Variants in LAMA2 observed in about 807,000 individuals in gnomAD.
LAMA2 encodes laminin subunit alpha 2, also known as laminin subunit alpha-2.
LAMA2 carries 269 observed loss-of-function variants against 364.8 expected under a neutral mutation model. That is an observed-to-expected ratio of 0.74 (90% CI 0.67 to 0.82). The LOEUF is 0.82. LAMA2 is among the 40% of genes least tolerant of loss of function. The pLI is 0.00. For missense variants in LAMA2, 3,807 were observed against 3,873.2 expected (o/e 0.98, Z 0.45); for synonymous variants, 1,379 against 1,370.6 (o/e 1.01, Z -0.14).
At chr6:129,488,803 G>T (rs1434273676) in intron 56 of LAMA2, among the ~76,000 whole-genome samples, 2 of 152,114 alleles carry the variant, frequency 1.3e-5, no homozygotes, top group Non-Finnish European at 2.9e-5. Flanking sequence ...ACCAGAGATC[G>T]CAAGTGACCA....
At chr6:129,217,296 A>G (rs995770124) in intron 12 of LAMA2, among the ~76,000 whole-genome samples, 3 of 152,194 alleles carry the variant, frequency 2.0e-5, no homozygotes, top group Non-Finnish European at 4.4e-5. Flanking sequence ...TCCATATATA[A>G]GTCCCAACAT....
chr6:128,943,974 T>C (rs1422412288), intron 1 of LAMA2, among the ~76,000 whole-genome samples: 2 of 152,202 alleles, frequency 1.3e-5, no homozygotes, highest in Admixed American at 1.3e-4. Context: ...ATACGTCTGT[T>C]ATGATGCAAT....
intron 4 of LAMA2, among the ~76,000 whole-genome samples, chr6:129,129,599 AATT>A (rs1341668079): frequency 1.3e-5 from 2 of 152,216 alleles, no homozygotes; most frequent in Non-Finnish European, 2.9e-5. Flanking sequence ...ATATCCTACA[AATT>A]GAGAATAAGG....
chr6:128,943,269 CAGAGAGAGAGAG>C lies in LAMA2; in HGVS notation c.112+59939_112+59950del, dbSNP rs6149801. On this transcript the variant is annotated intron_variant, in intron 1 of 64. Transcript: ENST00000421865. ...GAGAGAGTGTGTGTGTATATATACACAGAGAGAGAGAGAGAGAGAGAGAGAGAGAGAGAGAGA... is the reference window on the plus strand; with the variant it reads ...GAGAGAGTGTGTGTGTATATATACACAGAGAGAGAGAGAGAGAGAGAGAGA... 9.3e-4 allele frequency among the ~76,000 whole-genome samples: 133 copies of C among 143,068 alleles called. 1 individual carries two copies. The highest frequency in any genetic ancestry group is 2.3e-3 in the East Asian group (11 of 4,786). The allele number at this position is 143,068 out of a possible 152,430, so 93.9% of individuals were successfully genotyped here. A position where few individuals can be genotyped will look rare whatever the true frequency, so the allele number is the denominator to read the frequency against.
At chr6:129,196,640 C>A (rs1272284451) in intron 12 of LAMA2, among the ~76,000 whole-genome samples, 2 of 152,118 alleles carry the variant, frequency 1.3e-5, no homozygotes, top group Non-Finnish European at 2.9e-5. Flanking sequence ...AGTTCAAACC[C>A]CTCCTCGCCA....
chr6:129,177,682 G>A (rs1444840349), intron 9 of LAMA2, 24 bp from the exon 10 acceptor site: 9 of 1,611,950 alleles, frequency 5.6e-6, no homozygotes, highest in African/African-American at 2.7e-5. Flanking sequence ...TAGAAATGTT[G>A]ATATGTGGCT....
intron 55 of LAMA2, among the ~76,000 whole-genome samples, chr6:129,484,386 T>C (rs1784496835): frequency 6.6e-6 from 1 of 152,196 alleles, no homozygotes; most frequent in Non-Finnish European, 1.5e-5. Context: ...AAGTTGAACA[T>C]GTGCATACTC....
chr6:129,154,289 T>C (rs1778977163), intron 7 of LAMA2, among the ~76,000 whole-genome samples: 2 of 152,032 alleles, frequency 1.3e-5, no homozygotes, highest in Admixed American at 1.3e-4. Flanking sequence ...TGCATGCCTG[T>C]TGTCCCCAGC....
intron 1 of LAMA2, among the ~76,000 whole-genome samples, chr6:128,898,754 A>C (rs1250325265): frequency 6.6e-6 from 1 of 152,224 alleles, no homozygotes; most frequent in African/African-American, 2.4e-5. Context: ...TATAAGAATA[A>C]ATTCTAAATT....
chr6:128,937,441 T>C (rs1381461922), intron 1 of LAMA2, among the ~76,000 whole-genome samples: 1 of 152,100 alleles, frequency 6.6e-6, no homozygotes, highest in African/African-American at 2.4e-5. Context: ...TGGGAGATTT[T>C]TTTTTCTGAT....
chr6:129,072,891 A>G (rs7750304), intron 3 of LAMA2, among the ~76,000 whole-genome samples: 19,911 of 152,140 alleles, frequency 0.13, 1,366 homozygotes, highest in Middle Eastern at 0.2. Flanking sequence ...AATTGTTACC[A>G]TCATAAACAT....
intron 1 of LAMA2, among the ~76,000 whole-genome samples, chr6:128,974,643 G>A (rs570546728): frequency 6.6e-6 from 1 of 152,254 alleles, no homozygotes; most frequent in African/African-American, 2.4e-5. Context: ...TCTGCCAATA[G>A]TATTAATGCT....
chr6:129,080,648 G>A (rs542722269), intron 3 of LAMA2, among the ~76,000 whole-genome samples: 203 of 152,186 alleles, frequency 1.3e-3, no homozygotes, highest in African/African-American at 4.6e-3. Context: ...AAAAATGCTC[G>A]TCATCACTGG....
chr6:129,455,552 G>T (rs1462692637), intron 47 of LAMA2, among the ~76,000 whole-genome samples: 1 of 152,136 alleles, frequency 6.6e-6, no homozygotes, highest in East Asian at 1.9e-4. Flanking sequence ...AAGTGAGACA[G>T]CAGTCAGGGA....
intron 2 of LAMA2, among the ~76,000 whole-genome samples, chr6:129,059,390 A>G (rs565314064): frequency 7.9e-5 from 12 of 152,340 alleles, no homozygotes; most frequent in African/African-American, 2.9e-4. Flanking sequence ...TCTGTTAACA[A>G]GGTTGATGGC....
chr6:128,937,875 G>C (rs1779923843), intron 1 of LAMA2, among the ~76,000 whole-genome samples: 1 of 150,360 alleles, frequency 6.7e-6, no homozygotes, highest in Admixed American at 6.6e-5. Context: ...ATAAAGTTAA[G>C]TTGTTCATTT....
intron 12 of LAMA2, among the ~76,000 whole-genome samples, chr6:129,237,865 A>G (rs1041234120): frequency 6.6e-6 from 1 of 152,016 alleles, no homozygotes; most frequent in Non-Finnish European, 1.5e-5. Context: ...ATGGGTGAAA[A>G]ATGACATTTT....
intron 12 of LAMA2, among the ~76,000 whole-genome samples, chr6:129,203,916 G>T (rs757794804): frequency 5.3e-5 from 8 of 152,288 alleles, no homozygotes; most frequent in Admixed American, 2.0e-4. Context: ...AATGTCCTTA[G>T]CACACAGAAG....
intron 17 of LAMA2, among the ~76,000 whole-genome samples, chr6:129,273,076 A>G (rs1018718139): frequency 1.3e-5 from 2 of 152,164 alleles, no homozygotes; most frequent in Admixed American, 6.6e-5. Context: ...GATGTTAGAG[A>G]AGAGGAAGAA....
Sources: allele counts gnomAD v4.1 joint callset (sites outside exome capture counted in the v4.1 genomes callset), GRCh38; gene constraint gnomAD v4.1.1; transcripts MANE v1.5; gene names NCBI Gene and HGNC (gene_info 2026-07-23, HGNC 2026-07-21).